FBXO11: variants seen among roughly 807,000 people sequenced by gnomAD.
FBXO11 encodes F-box protein 11, also known as F-box only protein 11.
Under a neutral mutation model 117.0 loss-of-function variants are expected in FBXO11, and 13 were observed. That is an observed-to-expected ratio of 0.11 (90% CI 0.07 to 0.18). The LOEUF (loss-of-function observed/expected upper bound fraction) is 0.18, where lower values mean the gene tolerates loss of function less well. FBXO11 is among the 10% of genes least tolerant of loss of function. The pLI is 1.00. For missense variants in FBXO11, 767 were observed against 1,164.4 expected (o/e 0.66, Z 4.97); for synonymous variants, 490 against 380.5 (o/e 1.29, Z -3.35).
chr2:47,859,948 C>A (rs909583514), intron 1 of FBXO11, among the ~76,000 whole-genome samples: 3 of 152,124 alleles, frequency 2.0e-5, no homozygotes, highest in African/African-American at 7.2e-5. Flanking sequence ...ATGAAAAGTT[C>A]ATAGATTTTC....
intron 5 of FBXO11, 134 bp from the exon 6 acceptor site, chr2:47,835,005 A>G: frequency 1.5e-6 from 1 of 682,780 alleles, no homozygotes; most frequent in Non-Finnish European, 2.5e-6. Flanking sequence ...ATTTTCTGTC[A>G]GAGTACAATG....
At chr2:47,824,617 A>G (rs569885123) in intron 11 of FBXO11, among the ~76,000 whole-genome samples, 192 of 152,360 alleles carry the variant, frequency 1.3e-3, no homozygotes, top group Non-Finnish European at 1.8e-3. Context: ...TTCATCCTAC[A>G]CATGTTAAAT....
chr2:47,835,039 C>G (rs1218963036), intron 5 of FBXO11, among the ~76,000 whole-genome samples, 168 bp from the exon 6 acceptor site: 2 of 152,088 alleles, frequency 1.3e-5, no homozygotes, highest in Non-Finnish European at 2.9e-5. Flanking sequence ...AAGTTATGAT[C>G]CGGTAATATC....
At chr2:47,818,526 T>C (rs1019073809) in intron 16 of FBXO11, 7 of 361,056 alleles carry the variant, frequency 1.9e-5, no homozygotes. Flanking sequence ...TATTGGCAGC[T>C]GATGTGACTC....
At chr2:47,841,234 A>G (rs1292924318) in intron 1 of FBXO11, among the ~76,000 whole-genome samples, 1 of 152,156 alleles carries the variant, frequency 6.6e-6, no homozygotes, top group Non-Finnish European at 1.5e-5. Flanking sequence ...AAACTGGTAA[A>G]TAACACCAAA....
chr2:47,896,133 T>C (rs539330343), intron 1 of FBXO11, among the ~76,000 whole-genome samples: 1 of 152,170 alleles, frequency 6.6e-6, no homozygotes, highest in African/African-American at 2.4e-5. Flanking sequence ...ACCCCAAAAT[T>C]AGTCTTTTGA....
chr2:47,836,032 G>A, intron 4 of FBXO11, 31 bp from the exon 5 acceptor site: 1 of 1,504,568 alleles, frequency 6.6e-7, no homozygotes, highest in Non-Finnish European at 9.0e-7. Context: ...AAATTTTCTT[G>A]ATAAAATGTC....
intron 1 of FBXO11, among the ~76,000 whole-genome samples, chr2:47,864,291 T>G (rs1290622854): frequency 6.6e-6 from 1 of 152,132 alleles, no homozygotes; most frequent in Non-Finnish European, 1.5e-5. Context: ...CAACTCATAA[T>G]TAAAGACAGG....
At chr2:47,866,342 T>A (rs1675195218) in intron 1 of FBXO11, among the ~76,000 whole-genome samples, 1 of 151,622 alleles carries the variant, frequency 6.6e-6, no homozygotes, top group South Asian at 2.1e-4. Flanking sequence ...ACACTCTATC[T>A]CATCTTTTAT....
chr2:47,843,551 TTAATGGCTTTCTTCATCATCTTCATTATG>T (rs758759599), intron 1 of FBXO11, among the ~76,000 whole-genome samples: 13 of 152,196 alleles, frequency 8.5e-5, no homozygotes, highest in Admixed American at 4.6e-4. Flanking sequence ...CATTATGTAA[TTAATGGCTTTCTTCATCATCTTCATTATG>T]TAATGGCTTT....
At chr2:47,823,420 A>G in intron 11 of FBXO11, 60 bp from the exon 12 acceptor site, 5 of 1,287,086 alleles carry the variant, frequency 3.9e-6, no homozygotes, top group Non-Finnish European at 5.3e-6. Flanking sequence ...AAGAAATGCC[A>G]TTTAAAAAAC....
At chr2:47,886,615 T>C (rs1200314526) in intron 1 of FBXO11, among the ~76,000 whole-genome samples, 1 of 152,156 alleles carries the variant, frequency 6.6e-6, no homozygotes, top group Non-Finnish European at 1.5e-5. Flanking sequence ...AATTTAAATG[T>C]TAACAGATAA....
At position 47,860,743 on chromosome 2, in the gene FBXO11, T is replaced by C. The variant is rs1674700899; in HGVS notation, c.233-20974A>G. 2.0e-5 allele frequency among the ~76,000 whole-genome samples: 3 copies of C among 151,286 alleles called. No homozygotes were observed. In the South Asian group the frequency reaches 6.3e-4, roughly 32 times the overall value. Reference sequence around the variant, plus strand: ...ATTAACTAAGGCTAATCAAAACTTTTCCCTGCAGGAGAGAGAGAGAAAGAA... The same window carrying C: ...ATTAACTAAGGCTAATCAAAACTTTCCCCTGCAGGAGAGAGAGAGAAAGAA... On this transcript the variant is annotated intron_variant, in intron 1 of 22. Coordinates refer to ENST00000403359, the MANE Select transcript of FBXO11 (RefSeq NM_001190274.2).
chr2:47,889,026 G>A (rs1193833319), intron 1 of FBXO11, among the ~76,000 whole-genome samples: 1 of 152,076 alleles, frequency 6.6e-6, no homozygotes, highest in Non-Finnish European at 1.5e-5. Flanking sequence ...AGAAGATGAA[G>A]GAAAACAGAA....
chr2:47,838,337 T>C (rs1672748313), intron 4 of FBXO11, among the ~76,000 whole-genome samples: 1 of 152,170 alleles, frequency 6.6e-6, no homozygotes, highest in African/African-American at 2.4e-5. Context: ...CCCTTAATTC[T>C]GGATATTTAG....
intron 1 of FBXO11, among the ~76,000 whole-genome samples, chr2:47,869,228 T>G (rs1675427698): frequency 6.6e-6 from 1 of 152,260 alleles, no homozygotes; most frequent in African/African-American, 2.4e-5. Flanking sequence ...TTCTTGTCTC[T>G]GTGAGCTTAT....
At chr2:47,813,080 T>C in intron 18 of FBXO11, 154 bp downstream of exon 18, 1 of 781,882 alleles carries the variant, frequency 1.3e-6, no homozygotes. Context: ...CTCTTAACTC[T>C]AGGCACTAAT....
chr2:47,811,809 C>T (rs77886769), intron 18 of FBXO11: 12,990 of 152,230 alleles, frequency 0.085, 631 homozygotes, highest in Non-Finnish European at 0.11. Context: ...GGTCTTACTA[C>T]ATTGCCTAGG....
chr2:47,882,712 G>A lies in FBXO11; in HGVS notation c.232+22777C>T, dbSNP rs140364059. ...TGTTGCCCAGGCTCAAGTGCAGTGG[G>A]GCAATTTTGGCTTATTGCAATCTCT... On this transcript the variant is annotated intron_variant, in intron 1 of 22. Transcript: ENST00000403359. Among the ~76,000 whole-genome samples, 1,251 of 152,168 alleles carry A rather than the reference G, an allele frequency of 8.2e-3. 23 individuals are homozygous for A. Among genetic ancestry groups the A allele is most frequent in the African/African-American group, 0.029 (1,197 of 41,526 alleles).
Sources: allele counts gnomAD v4.1 joint callset (sites outside exome capture counted in the v4.1 genomes callset), GRCh38; gene constraint gnomAD v4.1.1; transcripts MANE v1.5; gene names NCBI Gene and HGNC (gene_info 2026-07-23, HGNC 2026-07-21).